MDGA1: variants seen among roughly 807,000 people sequenced by gnomAD.
The protein encoded by MDGA1 is MAM domain containing glycosylphosphatidylinositol anchor 1.
MDGA1 carries 54 observed loss-of-function variants against 101.5 expected under a neutral mutation model. That is an observed-to-expected ratio of 0.53 (90% CI 0.43 to 0.67). The LOEUF (loss-of-function observed/expected upper bound fraction) is 0.67, where lower values mean the gene tolerates loss of function less well. Ranked by LOEUF, MDGA1 falls within the 30% of genes least tolerant of loss-of-function variation. The probability of loss-of-function intolerance (pLI) is 0.00; values close to 1 mark genes in which losing one functional copy is unlikely to be tolerated. For synonymous variants in MDGA1, 533 were observed against 558.3 expected, an observed-to-expected ratio of 0.95 and a Z score of 0.64; for missense variants, 1,083 against 1,323.8, an observed-to-expected ratio of 0.82 and a Z score of 2.82.
Position 37,664,037 on chromosome 6 carries a change from C to G in MDGA1, c.137G>C (p.Arg46Pro). ...CVVKEDNISE[R>P]VYTIREGDTL... ...GTCCCCCTCCCGGATGGTGTAGACACGCTCGCTGATATTGTCCTCTTTCAC... is the reference window on the plus strand; with the variant it reads ...GTCCCCCTCCCGGATGGTGTAGACAGGCTCGCTGATATTGTCCTCTTTCAC... The change falls in exon 2 of 17, where the codon CGT (arginine) becomes CCT (proline). Residue 46 changes from arginine to proline, a missense_variant. By Grantham distance (103) the Arg-to-Pro change is moderately radical. Coordinates refer to ENST00000434837, the MANE Select transcript of MDGA1 (RefSeq NM_153487.4). 1 of 1,613,792 alleles carries G rather than the reference C, an allele frequency of 6.2e-7. No homozygotes were observed. Among genetic ancestry groups the G allele is most frequent in the South Asian group, 1.1e-5 (1 of 91,070 alleles).
At position 37,696,704 on chromosome 6, in the gene MDGA1, C is replaced by CT; in HGVS notation, c.67+40_67+41insA. The CT allele has an allele frequency of 6.5e-7, 1 of 1,547,612 alleles. No homozygotes were observed. The highest frequency in any genetic ancestry group is 8.8e-7 in the Non-Finnish European group (1 of 1,141,392). On this transcript the variant is annotated intron_variant, in intron 1 of 16. Transcript: ENST00000434837. This position sits in a 1 kb window ranked among gnomAD's most constrained non-coding sequence, Gnocchi z 5.6. ...CTTTGCGCCTCTTGCAAAGTTTCCG[C>CT]GCGAGGTTAAGCCAAGGTGGAGCGG...
intron 14 of MDGA1, chr6:37,641,614 T>C (rs1221236937): frequency 6.6e-6 from 1 of 152,240 alleles, no homozygotes; most frequent in South Asian, 2.1e-4. Flanking sequence ...TTGAACTTTG[T>C]CATAAGCATC....
chr6:37,636,359 TC>T lies in MDGA1; in HGVS notation c.*1008del, dbSNP rs1456952564. ...TTGGCATTTTGCCCTGTACACACCC[TC>T]CTATCCAGGGCACCCTTTCATGCCA... On this transcript the variant is annotated 3_prime_UTR_variant, in exon 17 of 17. Coordinates refer to ENST00000434837, the MANE Select transcript of MDGA1 (RefSeq NM_153487.4). 3 of 152,248 alleles carry T rather than the reference TC, an allele frequency of 2.0e-5. No individual in the cohort carries two copies. The highest frequency in any genetic ancestry group is 7.2e-5 in the African/African-American group (3 of 41,452). The allele number at this position is 152,248 out of a possible 1,614,324, so 9.4% of individuals were successfully genotyped here. A position where few individuals can be genotyped will look rare whatever the true frequency, so the allele number is the denominator to read the frequency against.
intron 1 of MDGA1, among the ~76,000 whole-genome samples, chr6:37,688,163 C>T (rs1308236614): frequency 6.6e-6 from 1 of 152,240 alleles, no homozygotes. Context: ...GGGAAGAAGA[C>T]ATCTGTTTTG....
Position 37,649,087 on chromosome 6 carries a change from G to A in MDGA1, c.1789C>T (p.His597Tyr). ...VVPAAAEAPD[H>Y]AELRLDAVTR... ...ACGGCGTCGAGGCGCAGCTCCGCGTGATCCGGCGCCTCGGCGGCGGCGGGA... is the reference window on the plus strand; with the variant it reads ...ACGGCGTCGAGGCGCAGCTCCGCGTAATCCGGCGCCTCGGCGGCGGCGGGA... Residue 597 changes from histidine (H) to tyrosine (Y), a missense_variant, in exon 9 of 17, where the codon CAC becomes TAC. Transcript: ENST00000434837. The A allele has an allele frequency of 2.6e-6, 4 of 1,527,600 alleles. No homozygotes were observed. The highest frequency in any genetic ancestry group is 3.5e-6 in the Non-Finnish European group (4 of 1,138,888). 94.6% of individuals were successfully genotyped at this position (1,527,600 alleles called of 1,614,324 possible). A position where few individuals can be genotyped will look rare whatever the true frequency, so the allele number is the denominator to read the frequency against.
chr6:37,639,215 G>A (rs1764007012), intron 14 of MDGA1: 1 of 155,068 alleles, frequency 6.4e-6, no homozygotes, highest in Non-Finnish European at 1.4e-5. Context: ...GAAGGCCAGA[G>A]AGGACAGTCT....
rs1763826103 is a variant in MDGA1, at chr6:37,631,688, A to AAT, written c.*5678_*5679dup. Reference sequence around the variant, plus strand: ...ACCTTGGCAAGCCCATCTCACCTACAATATATGAGTAGATGTTTGAAATAA... The same window carrying AAT: ...ACCTTGGCAAGCCCATCTCACCTACAATATATATGAGTAGATGTTTGAAATAA... On this transcript the variant is annotated 3_prime_UTR_variant, in exon 17 of 17. Transcript: ENST00000434837. 1 of 152,134 alleles carries AAT rather than the reference A, an allele frequency of 6.6e-6. No individual in the cohort carries two copies. Among genetic ancestry groups the AAT allele is most frequent in the African/African-American group, 2.4e-5 (1 of 41,410 alleles). 9.4% of individuals were successfully genotyped at this position (152,134 alleles called of 1,614,324 possible).
chr6:37,647,450 A>G (rs558074092), intron 9 of MDGA1, 126 bp from the exon 10 acceptor site: 3 of 628,820 alleles, frequency 4.8e-6, no homozygotes, highest in African/African-American at 3.7e-5. Context: ...AAACAAAGAG[A>G]AAGGGAATAT....
Position 37,644,675 on chromosome 6 carries a change from A to T in MDGA1, c.2249-26T>A, listed in dbSNP as rs761961486. On this transcript the variant is annotated intron_variant, in intron 12 of 16. Transcript: ENST00000434837. ...CTGCATTTTATGGGGCGAATGAGAC[A>T]AAGAGTCAGCCTCTTCAGTCCCTGA... is the stretch of plus-strand genomic sequence containing the variant. 5.2e-6 allele frequency: 8 copies of T among 1,526,302 alleles called. No homozygotes were observed. In the South Asian group the frequency reaches 1.0e-4, roughly 20 times the overall value. The allele number at this position is 1,526,302 out of a possible 1,614,324, so 94.5% of individuals were successfully genotyped here.
chr6:37,646,804 T>A (rs1761211225), intron 10 of MDGA1, among the ~76,000 whole-genome samples: 1 of 152,116 alleles, frequency 6.6e-6, no homozygotes, highest in African/African-American at 2.4e-5. Flanking sequence ...TGGCTTTGCA[T>A]GGTGGAGACC....
At position 37,697,312 on chromosome 6, in the gene MDGA1, C is replaced by T. The variant is rs11962739; in HGVS notation, c.-501G>A. On this transcript the variant is annotated 5_prime_UTR_variant, in exon 1 of 17. Coordinates refer to ENST00000434837, the MANE Select transcript of MDGA1 (RefSeq NM_153487.4). ...TCTGCTGTTTCCAGTCCTGCGGCCG[C>T]TGCCGTGGGCTCAGCGGCCCGACTC... is the stretch of plus-strand genomic sequence containing the variant. The T allele has an allele frequency of 0.14, 21,868 of 152,668 alleles. 1,734 individuals are homozygous for T. The highest frequency in any genetic ancestry group is 0.2 in the African/African-American group (8,255 of 41,586). The allele number at this position is 152,668 out of a possible 1,614,324, so 9.5% of individuals were successfully genotyped here. A position where few individuals can be genotyped will look rare whatever the true frequency, so the allele number is the denominator to read the frequency against.
At position 37,655,657 on chromosome 6, in the gene MDGA1, T is replaced by C. The variant is rs1265911953; in HGVS notation, c.579+43A>G. 6.8e-7 allele frequency: 1 copy of C among 1,480,972 alleles called. No homozygotes were observed. Among genetic ancestry groups the C allele is most frequent in the Non-Finnish European group, 9.1e-7 (1 of 1,093,654 alleles). The allele number at this position is 1,480,972 out of a possible 1,614,324, so 91.7% of individuals were successfully genotyped here. On this transcript the variant is annotated intron_variant, in intron 4 of 16. Coordinates refer to ENST00000434837, the MANE Select transcript of MDGA1 (RefSeq NM_153487.4). The surrounding 1 kb of genome is among the most constrained non-coding windows in gnomAD (Gnocchi z 5.1). ...CCCCATGCCCCCCTCCCCTGTTGGA[T>C]GCAGGAGAAGTGGTATGGGGCGAGC...
At chr6:37,645,853 G>T in intron 12 of MDGA1, 80 bp downstream of exon 12, 1 of 1,492,190 alleles carries the variant, frequency 6.7e-7, no homozygotes, top group Non-Finnish European at 9.3e-7. Context: ...CTCAAGGATA[G>T]CCTATCTCCT....
intron 1 of MDGA1, among the ~76,000 whole-genome samples, chr6:37,691,606 T>C (rs964622191): frequency 6.6e-6 from 1 of 152,268 alleles, no homozygotes; most frequent in African/African-American, 2.4e-5. Flanking sequence ...GAGCACATGT[T>C]ACTCATAGTA....
rs998505140 is a variant in MDGA1 at position 37,638,673 on chromosome 6, G to A, written c.2537-6C>T. On this transcript the variant is annotated splice_region_variant and splice_polypyrimidine_tract_variant and intron_variant, in intron 14 of 16. Coordinates refer to ENST00000434837, the MANE Select transcript of MDGA1 (RefSeq NM_153487.4). This position sits in a 1 kb window ranked among gnomAD's most constrained non-coding sequence, Gnocchi z 4.8. The stretch of plus-strand genomic sequence containing the variant: ...CACCAGGAGGTTGAGGGAGCCTGCG[G>A]TGGGTGTGAAGACAGTGGGCAGTGA... The A allele has an allele frequency of 6.2e-7, 1 of 1,610,986 alleles. No individual in the cohort carries two copies. Among genetic ancestry groups the A allele is most frequent in the African/African-American group, 1.3e-5 (1 of 74,974 alleles).
chr6:37,646,428 C>G, intron 10 of MDGA1, 53 bp from the exon 11 acceptor site: 1 of 1,402,784 alleles, frequency 7.1e-7, no homozygotes, highest in South Asian at 1.7e-5. Context: ...CCTCAGTTTC[C>G]TCATCTGTGA....
Position 37,658,356 on chromosome 6 carries a change from C to G in MDGA1, c.271G>C (p.Glu91Gln). The part of the protein sequence containing the change: ...DKFQETSVFN[E>Q]TLRIERIART... The stretch of plus-strand genomic sequence containing the variant: ...GCAATACGCTCGATGCGCAGCGTCT[C>G]GTTGAACACCGATGTCTCCTGGAAC... Residue 91 changes from glutamate to glutamine, a missense_variant, in exon 3 of 17, where the codon GAG becomes CAG. This residue lies in a region of MDGA1 where 310 missense variants were observed against 355.9 expected (regional missense o/e 0.87). Coordinates refer to ENST00000434837, the MANE Select transcript of MDGA1 (RefSeq NM_153487.4). 1.2e-6 allele frequency: 2 copies of G among 1,613,130 alleles called. No individual in the cohort carries two copies. The highest frequency in any genetic ancestry group is 2.2e-5 in the South Asian group (2 of 90,988).
intron 1 of MDGA1, among the ~76,000 whole-genome samples, chr6:37,664,602 C>CACACAA (rs1228339147): frequency 2.8e-5 from 3 of 107,886 alleles, no homozygotes; most frequent in African/African-American, 9.5e-5. Context: ...CCCCACAATA[C>CACACAA]ACACACACAC....
In MDGA1 at chr6:37,655,524, A is replaced by C. The variant is rs1352118683; in HGVS notation, c.579+176T>G. ...CTCCTGCCCTCATTGCTGCTCCCTG[A>C]CCTTTCCATCTGATTTTTCTGCCCC... On this transcript the variant is annotated intron_variant, in intron 4 of 16. Transcript: ENST00000434837. This position sits in a 1 kb window ranked among gnomAD's most constrained non-coding sequence, Gnocchi z 5.1. The C allele has an allele frequency of 1.5e-5, 9 of 597,994 alleles. No homozygotes were observed. In the East Asian group the frequency reaches 2.6e-4, roughly 17 times the overall value. 37.0% of individuals were successfully genotyped at this position (597,994 alleles called of 1,614,324 possible). A position where few individuals can be genotyped will look rare whatever the true frequency, so the allele number is the denominator to read the frequency against.
Sources: allele counts gnomAD v4.1 joint callset (sites outside exome capture counted in the v4.1 genomes callset), GRCh38; gene constraint gnomAD v4.1.1; regional missense constraint gnomAD v4.1.1; non-coding constraint Gnocchi (gnomAD v3.1); transcripts MANE v1.5; gene names NCBI Gene and HGNC (gene_info 2026-07-23, HGNC 2026-07-21).